The following LRIF1 variants were observed in gnomAD, a reference collection of about 807,000 sequenced individuals.
LRIF1 encodes ligand-dependent nuclear receptor-interacting factor 1.
Under a neutral mutation model 52.7 loss-of-function variants are expected in LRIF1, and 32 were observed. That is an observed-to-expected ratio of 0.61 (90% confidence interval 0.46 to 0.82). The LOEUF (loss-of-function observed/expected upper bound fraction) is 0.82. Ranked by LOEUF, LRIF1 falls within the 40% of genes least tolerant of loss-of-function variation. The probability of loss-of-function intolerance (pLI) is 0.00; values close to 1 mark genes in which losing one functional copy is unlikely to be tolerated. For synonymous variants in LRIF1, 323 were observed against 317.4 expected (o/e 1.02, Z -0.19); for missense variants, 887 against 892.0 (o/e 0.99, Z 0.07).
chr1:110,957,387 G>A (rs1003918538), intron 1 of LRIF1, among the ~76,000 whole-genome samples: 2 of 148,616 alleles, frequency 1.3e-5, no homozygotes, highest in African/African-American at 2.5e-5. Flanking sequence ...GTAGGACAAT[G>A]GAGTGAGGAG....
the LRIF1 span, among the ~76,000 whole-genome samples, chr1:110,923,141 A>C: frequency 2.6e-5 from 4 of 152,074 alleles, no homozygotes; most frequent in African/African-American, 9.7e-5. Context: ...CTCTACTAAA[A>C]ATATAAAAAT....
the LRIF1 span, among the ~76,000 whole-genome samples, chr1:110,896,065 CTATT>C: frequency 4.0e-4 from 61 of 152,288 alleles, 1 homozygote; most frequent in Admixed American, 3.7e-3. Context: ...ATAGGTCTCT[CTATT>C]TATCTTTTAA....
intron 2 of LRIF1, among the ~76,000 whole-genome samples, chr1:110,950,739 C>G (rs207460384): frequency 2.6e-5 from 4 of 151,456 alleles, no homozygotes; most frequent in Admixed American, 2.6e-4. Flanking sequence ...AAAAAAAAAT[C>G]AACCCATCAA....
Position 110,947,625 on chromosome 1 carries a change from T to A in LRIF1, c.*334A>T, listed in dbSNP as rs111891345. 1,735 of 181,984 alleles carry A rather than the reference T, an allele frequency of 9.5e-3. 11 individuals carry two copies. The highest frequency in any genetic ancestry group is 0.013 in the Non-Finnish European group (1,176 of 87,240). The allele number at this position is 181,984 out of a possible 1,614,324, so 11.3% of individuals were successfully genotyped here. On this transcript the variant is annotated 3_prime_UTR_variant, in exon 4 of 4. Coordinates refer to ENST00000369763, the MANE Select transcript of LRIF1 (RefSeq NM_018372.4). ...ACACAGTCACTATCTACTGCTGGAATAATGCCTGAGCAATTTAGGTAAAGA... is the reference window on the plus strand; with the variant it reads ...ACACAGTCACTATCTACTGCTGGAAAAATGCCTGAGCAATTTAGGTAAAGA...
chr1:110,898,309 G>A, the LRIF1 span, among the ~76,000 whole-genome samples: 11 of 150,582 alleles, frequency 7.3e-5, no homozygotes, highest in African/African-American at 1.5e-4. Flanking sequence ...CCTGGGAGGC[G>A]GAGCTTGTAG....
the LRIF1 span, among the ~76,000 whole-genome samples, chr1:110,916,625 A>G: frequency 6.6e-6 from 1 of 152,180 alleles, no homozygotes; most frequent in African/African-American, 2.4e-5. Context: ...ACAAATAAAA[A>G]AGACAAAACT....
the LRIF1 span, among the ~76,000 whole-genome samples, chr1:110,928,115 T>G: frequency 3.9e-5 from 6 of 152,116 alleles, no homozygotes; most frequent in East Asian, 1.2e-3. Flanking sequence ...TTTGGCGGAG[T>G]AGGTCTGAAT....
intron 1 of LRIF1, among the ~76,000 whole-genome samples, chr1:110,956,938 C>A (rs1417349121): frequency 7.9e-5 from 12 of 152,092 alleles, no homozygotes; most frequent in Admixed American, 7.9e-4. Flanking sequence ...TATGTTCTCA[C>A]AGTTAAATTT....
chr1:110,875,919 G>A, the LRIF1 span, among the ~76,000 whole-genome samples: 1 of 152,194 alleles, frequency 6.6e-6, no homozygotes, highest in Non-Finnish European at 1.5e-5. Context: ...TTAGAGGTGA[G>A]TGCTCTCTCT....
chr1:110,921,862 G>A, the LRIF1 span, among the ~76,000 whole-genome samples: 12 of 152,150 alleles, frequency 7.9e-5, no homozygotes, highest in African/African-American at 2.9e-4. Flanking sequence ...GGGTATATGT[G>A]AAGGTTTGGT....
rs748901980 is a variant in LRIF1 at position 110,952,413 on chromosome 1, T to C, written c.471A>G (p.Gln157=). 3.7e-6 allele frequency: 6 copies of C among 1,613,016 alleles called. No homozygotes were observed. The highest frequency in any genetic ancestry group is 1.1e-5 in the South Asian group (1 of 91,060). The change falls in exon 2 of 4, where the codon CAA becomes CAG. Residue 157 remains glutamine (Q), a synonymous_variant. Coordinates refer to ENST00000369763, the MANE Select transcript of LRIF1 (RefSeq NM_018372.4). ...TAACTACAATAAAAGATGAGTCTTT[T>C]TGTGTTGAGGGAGGAACAGCAAATG... ...MQTFAVPPST[Q]KDSSFIVVNT... is the part of the protein sequence containing the mutation.
the LRIF1 span, chr1:110,896,798 C>A: frequency 7.1e-7 from 1 of 1,410,034 alleles, no homozygotes; most frequent in Middle Eastern, 1.8e-4. Flanking sequence ...ACCTCGGAAA[C>A]TGCAGTCATA....
At chr1:110,920,393 G>A in the LRIF1 span, among the ~76,000 whole-genome samples, 1 of 152,142 alleles carries the variant, frequency 6.6e-6, no homozygotes, top group South Asian at 2.1e-4. Flanking sequence ...AGACATGAAG[G>A]AACCCTAAAT....
At chr1:110,915,698 T>C in the LRIF1 span, among the ~76,000 whole-genome samples, 4 of 152,304 alleles carry the variant, frequency 2.6e-5, no homozygotes, top group Admixed American at 1.3e-4. Flanking sequence ...GGGATGCCAG[T>C]AATGTTTCAT....
At chr1:110,888,077 A>G in the LRIF1 span, among the ~76,000 whole-genome samples, 3 of 152,214 alleles carry the variant, frequency 2.0e-5, no homozygotes, top group Non-Finnish European at 4.4e-5. Context: ...GAAAGGAGGT[A>G]AGGAATGCAG....
rs1334238184 is a variant in LRIF1 at position 110,952,345 on chromosome 1, G to A, written c.539C>T (p.Pro180Leu). The change falls in exon 2 of 4, where the codon CCT (proline) becomes CTT (leucine). Residue 180 changes from proline (P) to leucine (L), a missense_variant. Transcript: ENST00000369763. Reference sequence around the variant, plus strand: ...TGGAATCTGTAAATGATGCCCAGAAGGCAAAACTGGAGACTTCACAGTCAC... The same window carrying A: ...TGGAATCTGTAAATGATGCCCAGAAAGCAAAACTGGAGACTTCACAGTCAC... Reference protein sequence around the residue: ...LPVTVKSPVLPSGHHLQIPAH... With the variant: ...LPVTVKSPVLLSGHHLQIPAH... 3 of 1,613,896 alleles carry A rather than the reference G, an allele frequency of 1.9e-6. No individual in the cohort carries two copies. The highest frequency in any genetic ancestry group is 1.7e-5 in the Admixed American group (1 of 59,982).
the LRIF1 span, among the ~76,000 whole-genome samples, chr1:110,881,016 T>C: frequency 4.4e-4 from 67 of 152,254 alleles, no homozygotes; most frequent in Middle Eastern, 3.4e-3. Flanking sequence ...GAAGGAAGCA[T>C]TAAGACAAGG....
chr1:110,906,575 TC>T, the LRIF1 span, among the ~76,000 whole-genome samples: 35 of 151,962 alleles, frequency 2.3e-4, no homozygotes, highest in Non-Finnish European at 7.4e-5. Flanking sequence ...TATGATCGCA[TC>T]AAAAAAATAA....
At chr1:110,899,235 C>T in the LRIF1 span, 13 of 1,451,120 alleles carry the variant, frequency 9.0e-6, no homozygotes, top group East Asian at 6.8e-5. Flanking sequence ...GTTTCATCTC[C>T]GGAAATGCAA....
Sources: gnomAD v4.1 joint callset for allele counts (sites outside exome capture counted in the v4.1 genomes callset) on GRCh38, gnomAD v4.1.1 for gene constraint, MANE v1.5 for transcripts, NCBI Gene and HGNC (gene_info 2026-07-23, HGNC 2026-07-21) for gene names.